ZMYM5: variants seen among roughly 807,000 people sequenced by gnomAD.
ZMYM5 encodes the protein zinc finger MYM-type containing 5.
A neutral mutation model predicts 61.8 loss-of-function variants in ZMYM5; 41 were observed. That is an observed-to-expected ratio of 0.66 (90% CI 0.52 to 0.86). ZMYM5 has a LOEUF of 0.86. Ranked by LOEUF, ZMYM5 falls within the 40% of genes least tolerant of loss-of-function variation. ZMYM5 has a pLI of 0.00. For missense variants in ZMYM5, 706 were observed against 786.7 expected (o/e 0.90, Z 1.23); for synonymous variants, 257 against 276.4 (o/e 0.93, Z 0.70).
Position 19,851,872 on chromosome 13 carries a change from T to G in ZMYM5, c.309A>C (p.Ser103=). 1 of 1,612,044 alleles carries G rather than the reference T, an allele frequency of 6.2e-7. No homozygotes were observed. The highest frequency in any genetic ancestry group is 1.1e-5 in the South Asian group (1 of 90,464). ...QGNYSVIPPS[S]RDLASQKGNI... ...TTCCTTTCTGAGATGCCAAATCTCTTGAAGAAGGAGGAATTACAGAATAAT... is the reference window on the plus strand; with the variant it reads ...TTCCTTTCTGAGATGCCAAATCTCTGGAAGAAGGAGGAATTACAGAATAAT... Residue 103 remains serine (S), a synonymous_variant, in exon 3 of 8, where the codon TCA becomes TCC. Transcript: ENST00000337963.
chr13:19,825,080 T>A lies in ZMYM5; in HGVS notation c.1407A>T (p.Leu469=), dbSNP rs1890845953. Residue 469 remains leucine, a synonymous_variant, in exon 8 of 8, where the codon CTA becomes CTT. Transcript: ENST00000337963. ...IPEKKEKTSQ[L]QLSVECGTDT... The stretch of plus-strand genomic sequence containing the variant: ...CCGTGCCACATTCTACTGAAAGCTG[T>A]AGCTGTGAAGTCTTTTCCTTTTTTT... 1.5e-6 allele frequency: 2 copies of A among 1,367,518 alleles called. No homozygotes were observed. Among genetic ancestry groups the A allele is most frequent in the Admixed American group, 1.9e-5 (1 of 52,552 alleles). The allele number at this position is 1,367,518 out of a possible 1,614,324, so 84.7% of individuals were successfully genotyped here.
chr13:19,849,583 G>T (rs1022623332), intron 4 of ZMYM5, among the ~76,000 whole-genome samples: 1 of 151,998 alleles, frequency 6.6e-6, no homozygotes, highest in Non-Finnish European at 1.5e-5. Flanking sequence ...CTAGTTACTG[G>T]GGTAAGGAGA....
intron 2 of ZMYM5, among the ~76,000 whole-genome samples, chr13:19,852,918 G>C (rs1013895756): frequency 6.6e-6 from 1 of 152,146 alleles, no homozygotes; most frequent in South Asian, 2.1e-4. Context: ...TGCCATCCTG[G>C]CTCACTGCAG....
At chr13:19,831,590 G>A (rs1891217819) in intron 7 of ZMYM5, among the ~76,000 whole-genome samples, 1 of 151,712 alleles carries the variant, frequency 6.6e-6, no homozygotes, top group East Asian at 2.0e-4. Flanking sequence ...GAAGTCAGGA[G>A]TTCAAGACCA....
At chr13:19,854,627 CAAAAA>C (rs58132634) in intron 2 of ZMYM5, among the ~76,000 whole-genome samples, 1 of 123,894 alleles carries the variant, frequency 8.1e-6, no homozygotes, top group Admixed American at 8.8e-5. Flanking sequence ...GACTTCGTCT[CAAAAA>C]AAAAAAAAAA....
At chr13:19,855,906 C>G (rs1953486472) in intron 2 of ZMYM5, among the ~76,000 whole-genome samples, 1 of 151,798 alleles carries the variant, frequency 6.6e-6, no homozygotes, top group Admixed American at 6.6e-5. Flanking sequence ...ATCCCAGCTA[C>G]TCGGGAGGCT....
rs181191411 is a variant in ZMYM5 at position 19,835,422 on chromosome 13, G to A, written c.1251+55C>T. On this transcript the variant is annotated intron_variant, in intron 7 of 7. Coordinates refer to ENST00000337963, the MANE Select transcript of ZMYM5 (RefSeq NM_001142684.2). ...AAGATAAATCCGGTTCATGTAAGAT[G>A]TAAGGGTGAAGCTACTATATATTTG... 4.5e-3 allele frequency: 5,316 copies of A among 1,187,758 alleles called. 61 individuals carry two copies. Among genetic ancestry groups the A allele is most frequent in the South Asian group, 0.026 (2,048 of 79,580 alleles). 73.6% of individuals were successfully genotyped at this position (1,187,758 alleles called of 1,614,324 possible).
At chr13:19,851,235 A>AAAC (rs1353483093) in intron 4 of ZMYM5, 120 bp downstream of exon 4, 15 of 973,040 alleles carry the variant, frequency 1.5e-5, no homozygotes, top group Admixed American at 2.4e-5. Context: ...ACAAACAAAC[A>AAAC]AACAAGCAAA....
chr13:19,857,334 A>G lies in ZMYM5; in HGVS notation c.-11+5065T>C, dbSNP rs750432327. ...TGGGAAACAACGTAAATTTAACGGG[A>G]TATTTAGGTGTAAAGATAAGGGTTA... On this transcript the variant is annotated intron_variant, in intron 2 of 7. Transcript: ENST00000337963. 2.0e-4 allele frequency among the ~76,000 whole-genome samples: 30 copies of G among 152,360 alleles called. 1 individual carries two copies. The highest frequency in any genetic ancestry group is 3.9e-4 in the Admixed American group (6 of 15,300).
rs1280526429 is a variant in ZMYM5 at position 19,843,509 on chromosome 13, T to C, written c.587-4524A>G. On this transcript the variant is annotated intron_variant, in intron 4 of 7. Transcript: ENST00000337963. ...TAAAACAAGCAATAAATATCTAAAA[T>C]GTAAGAAAGTATTATAAAACAAATA... The C allele has an allele frequency of 2.7e-5, 4 of 149,710 alleles. No homozygotes were observed. The East Asian group carries it at 7.8e-4, about 29-fold the overall frequency. 9.3% of individuals were successfully genotyped at this position (149,710 alleles called of 1,614,324 possible). A position where few individuals can be genotyped will look rare whatever the true frequency, so the allele number is the denominator to read the frequency against.
At chr13:19,862,265 G>A (rs527541846) in intron 2 of ZMYM5, 134 bp downstream of exon 2, 2 of 152,034 alleles carry the variant, frequency 1.3e-5, no homozygotes, top group African/African-American at 4.8e-5. Context: ...CTGGGGACAG[G>A]GGCACCCAAG....
intron 7 of ZMYM5, among the ~76,000 whole-genome samples, chr13:19,826,890 A>T (rs181920920): frequency 6.6e-6 from 1 of 152,360 alleles, no homozygotes; most frequent in East Asian, 1.9e-4. Context: ...ATAAAAATAC[A>T]GTATTATCCA....
Position 19,851,443 on chromosome 13 carries a change from C to T in ZMYM5, c.498G>A (p.Lys166=), listed in dbSNP as rs374709770. The T allele has an allele frequency of 1.5e-5, 25 of 1,613,926 alleles. No individual in the cohort carries two copies. The highest frequency in any genetic ancestry group is 1.6e-4 in the Middle Eastern group (1 of 6,066). The change falls in exon 4 of 8, where the codon AAG becomes AAA. Residue 166 remains lysine, a synonymous_variant. Coordinates refer to ENST00000337963, the MANE Select transcript of ZMYM5 (RefSeq NM_001142684.2). ...STSSLSRSKT[K]TGVRPFNPGR... ...CAGGGTTAAAAGGTCTTACTCCAGT[C>T]TTGGTCTGTGGAGTTAAAGATGGGG... is the stretch of plus-strand genomic sequence containing the variant.
chr13:19,854,639 A>AC (rs1040319635), intron 2 of ZMYM5, among the ~76,000 whole-genome samples: 13 of 150,950 alleles, frequency 8.6e-5, no homozygotes, highest in African/African-American at 3.0e-4. Context: ...AAAAAAAAAA[A>AC]AAAAAACCTC....
intron 4 of ZMYM5, 111 bp from the exon 5 acceptor site, chr13:19,839,096 CAT>C: frequency 1.5e-6 from 2 of 1,359,880 alleles, no homozygotes; most frequent in Non-Finnish European, 2.0e-6. Context: ...GGCGTATAAA[CAT>C]GTGGTTAAGG....
Position 19,835,523 on chromosome 13 carries a change from T to C in ZMYM5, c.1205A>G (p.Gln402Arg), listed in dbSNP as rs1487625109. ...ACTTTGGCAGCAAAATCTCTTCTGC[T>C]GACCTCCAATCACCAGGATGTTGTT... is the stretch of plus-strand genomic sequence containing the variant. Reference protein sequence around the residue: ...TGNNILVIGGQQKRFCCQSCI... With the variant: ...TGNNILVIGGRQKRFCCQSCI... Residue 402 changes from glutamine (Q) to arginine (R), a missense_variant, in exon 7 of 8, where the codon CAG (glutamine) becomes CGG (arginine). Gln to Arg is a conservative substitution (Grantham distance 43). Coordinates refer to ENST00000337963, the MANE Select transcript of ZMYM5 (RefSeq NM_001142684.2). 1 of 1,367,628 alleles carries C rather than the reference T, an allele frequency of 7.3e-7. No individual in the cohort carries two copies. Among genetic ancestry groups the C allele is most frequent in the African/African-American group, 1.5e-5 (1 of 67,768 alleles). 84.7% of individuals were successfully genotyped at this position (1,367,628 alleles called of 1,614,324 possible). A position where few individuals can be genotyped will look rare whatever the true frequency, so the allele number is the denominator to read the frequency against.
At chr13:19,837,439 C>G in intron 6 of ZMYM5, 5 of 1,544,020 alleles carry the variant, frequency 3.2e-6, no homozygotes, top group Non-Finnish European at 4.3e-6. Context: ...ACAACAATTC[C>G]ATAGAAACAG....
intron 7 of ZMYM5, among the ~76,000 whole-genome samples, chr13:19,826,046 T>TAAAAAAAAAAA (rs56181038): frequency 1.7e-5 from 2 of 118,872 alleles, no homozygotes; most frequent in Non-Finnish European, 1.7e-5. Context: ...ACTCCATGCT[T>TAAAAAAAAAAA]AAAAAAAAAA....
chr13:19,860,750 A>G (rs767618976), intron 2 of ZMYM5, among the ~76,000 whole-genome samples: 1 of 151,708 alleles, frequency 6.6e-6, no homozygotes, highest in Non-Finnish European at 1.5e-5. Context: ...CACTTCTAAT[A>G]TAAAAAGAAC....
Sources: allele counts gnomAD v4.1 joint callset (sites outside exome capture counted in the v4.1 genomes callset), GRCh38; gene constraint gnomAD v4.1.1; transcripts MANE v1.5; gene names NCBI Gene and HGNC (gene_info 2026-07-23, HGNC 2026-07-21).